Variants in AGAP1 observed in about 807,000 individuals in gnomAD.
The protein encoded by AGAP1 is ArfGAP with GTPase domain, ankyrin repeat and PH domain 1.
AGAP1 carries 29 observed loss-of-function variants against 105.3 expected under a neutral mutation model. The ratio of observed to expected loss-of-function variants is 0.28; its 90% confidence interval spans 0.21 to 0.38. The LOEUF (loss-of-function observed/expected upper bound fraction) is 0.38. Ranked by LOEUF, AGAP1 falls within the 10% of genes least tolerant of loss-of-function variation. The pLI is 1.00. For missense variants in AGAP1, 998 were observed against 1,165.1 expected, an observed-to-expected ratio of 0.86 and a Z score of 2.09; for synonymous variants, 509 against 485.9, an observed-to-expected ratio of 1.05 and a Z score of -0.63.
At chr2:235,499,320 G>A (rs1233789634) in intron 1 of AGAP1, among the ~76,000 whole-genome samples, 2 of 152,192 alleles carry the variant, frequency 1.3e-5, no homozygotes, top group Non-Finnish European at 2.9e-5. Flanking sequence ...AGCTGACTGT[G>A]GCAAAACTTC....
Position 235,517,806 on chromosome 2 carries a change from G to A in AGAP1, c.163+22957G>A, listed in dbSNP as rs112609849. On this transcript the variant is annotated intron_variant, in intron 1 of 17. Coordinates refer to ENST00000304032, the MANE Select transcript of AGAP1 (RefSeq NM_001037131.3). The surrounding 1 kb of genome is among the most constrained non-coding windows in gnomAD (Gnocchi z 4.1). ...ACAAAAATTAGTCAGACATGGTGGC[G>A]TGTGCCTGTAACCCCAGCTACACGG... Among the ~76,000 whole-genome samples, 1,295 of 151,974 alleles carry A rather than the reference G, an allele frequency of 8.5e-3. 11 individuals carry two copies. The highest frequency in any genetic ancestry group is 0.014 in the Non-Finnish European group (959 of 67,966).
In AGAP1 at chr2:235,729,847, GGTTTTTA is replaced by G. The variant is rs1395548941; in HGVS notation, c.311-11111_311-11105del. On this transcript the variant is annotated intron_variant, in intron 3 of 17. Coordinates refer to ENST00000304032, the MANE Select transcript of AGAP1 (RefSeq NM_001037131.3). This position sits in a 1 kb window ranked among gnomAD's most constrained non-coding sequence, Gnocchi z 5.0. ...CGTGTTGCTACTGCCTGAGAACAGA[GGTTTTTA>G]GTTTCTTTAAAGGGTTGTAAACATA... is the stretch of plus-strand genomic sequence containing the variant. Among the ~76,000 whole-genome samples, 1 of 152,080 alleles carries G rather than the reference GGTTTTTA, an allele frequency of 6.6e-6. No individual in the cohort carries two copies. Among genetic ancestry groups the G allele is most frequent in the Non-Finnish European group, 1.5e-5 (1 of 68,032 alleles).
chr2:235,560,470 A>C (rs1033363126), intron 1 of AGAP1, among the ~76,000 whole-genome samples: 9 of 152,130 alleles, frequency 5.9e-5, no homozygotes, highest in Admixed American at 5.9e-4. Context: ...CTCACATGGC[A>C]AAAGGGACTT....
rs2149655483 is a variant in AGAP1 at position 235,739,744 on chromosome 2, G to T, written c.311-1219G>T. Among the ~76,000 whole-genome samples the T allele has an allele frequency of 6.6e-6, 1 of 152,346 alleles. No individual in the cohort carries two copies. Reference sequence around the variant, plus strand: ...CCCTCTGTGGCCTCAGAGGGTAGCTGCCCGTCTGGAGGGCCTCGGACACTT... The same window carrying T: ...CCCTCTGTGGCCTCAGAGGGTAGCTTCCCGTCTGGAGGGCCTCGGACACTT... On this transcript the variant is annotated intron_variant, in intron 3 of 17. Coordinates refer to ENST00000304032, the MANE Select transcript of AGAP1 (RefSeq NM_001037131.3). This position sits in a 1 kb window ranked among gnomAD's most constrained non-coding sequence, Gnocchi z 5.3.
At chr2:235,884,770 TA>T (rs2050191886) in intron 10 of AGAP1, among the ~76,000 whole-genome samples, 1 of 152,166 alleles carries the variant, frequency 6.6e-6, no homozygotes, top group African/African-American at 2.4e-5. Flanking sequence ...TGAATATTTT[TA>T]ATCCATAGTT....
intron 16 of AGAP1, among the ~76,000 whole-genome samples, chr2:236,068,379 TC>T (rs1303713922): frequency 1.3e-5 from 2 of 152,084 alleles, no homozygotes. Flanking sequence ...GTTGGCCAAC[TC>T]CCTCTCCTCT....
intron 1 of AGAP1, chr2:235,507,106 A>G (rs1941852512): frequency 6.5e-6 from 1 of 152,672 alleles, no homozygotes; most frequent in Non-Finnish European, 1.5e-5. Flanking sequence ...TCGTCTCTTT[A>G]ATGCTGAGCA....
chr2:235,621,924 C>T lies in AGAP1; in HGVS notation c.164-87255C>T, dbSNP rs995589771. ...AGACCCCCCCACCCCCTCAGAACAG[C>T]GGCCACTGTGTGGATGTTTCTGACG... On this transcript the variant is annotated intron_variant, in intron 1 of 17. Transcript: ENST00000304032. The surrounding 1 kb of genome is among the most constrained non-coding windows in gnomAD (Gnocchi z 4.1). 1.3e-5 allele frequency among the ~76,000 whole-genome samples: 2 copies of T among 151,970 alleles called. No homozygotes were observed. The highest frequency in any genetic ancestry group is 6.6e-5 in the Admixed American group (1 of 15,242).
At chr2:236,041,716 G>A (rs908843251) in intron 15 of AGAP1, among the ~76,000 whole-genome samples, 3 of 152,186 alleles carry the variant, frequency 2.0e-5, no homozygotes, top group Non-Finnish European at 4.4e-5. Context: ...ACCAGGCTGG[G>A]TGCTGCCCAG....
chr2:235,921,648 AACTCTGT>A (rs1396894556), intron 11 of AGAP1, among the ~76,000 whole-genome samples: 1 of 152,204 alleles, frequency 6.6e-6, no homozygotes, highest in Non-Finnish European at 1.5e-5. Flanking sequence ...ACTAGGTCTG[AACTCTGT>A]ACTCTGTCTT....
rs1197129821 is a variant in AGAP1, at chr2:235,882,312, A to T, written c.1051-1033A>T. 2 of 822,284 alleles carry T rather than the reference A, an allele frequency of 2.4e-6. No individual in the cohort carries two copies. Among genetic ancestry groups the T allele is most frequent in the Admixed American group, 2.3e-5 (1 of 42,574 alleles). 50.9% of individuals were successfully genotyped at this position (822,284 alleles called of 1,614,324 possible). On this transcript the variant is annotated intron_variant, in intron 9 of 17. Transcript: ENST00000304032. The surrounding 1 kb of genome is among the most constrained non-coding windows in gnomAD (Gnocchi z 4.6). Reference sequence around the variant, plus strand: ...ATCTTGCAGGTCGCTCTTCCTCCACATCACAACTGGGGTCTTAAGGATGAC... The same window carrying T: ...ATCTTGCAGGTCGCTCTTCCTCCACTTCACAACTGGGGTCTTAAGGATGAC...
At position 235,877,907 on chromosome 2, in the gene AGAP1, G is replaced by T. The variant is rs896153927; in HGVS notation, c.1051-5438G>T. Among the ~76,000 whole-genome samples the T allele has an allele frequency of 1.1e-4, 17 of 152,162 alleles. No individual in the cohort carries two copies. Among genetic ancestry groups the T allele is most frequent in the African/African-American group, 3.6e-4 (15 of 41,434 alleles). On this transcript the variant is annotated intron_variant, in intron 9 of 17. Coordinates refer to ENST00000304032, the MANE Select transcript of AGAP1 (RefSeq NM_001037131.3). This position sits in a 1 kb window ranked among gnomAD's most constrained non-coding sequence, Gnocchi z 4.3. ...AACTTAAAATTTGTCCTCGCCAGGG[G>T]AATCTTTCCTAATGCAAATCAGATA...
intron 1 of AGAP1, among the ~76,000 whole-genome samples, chr2:235,530,848 G>T (rs1055951516): frequency 4.6e-5 from 7 of 152,136 alleles, no homozygotes; most frequent in Non-Finnish European, 1.0e-4. Flanking sequence ...TCTTTGGGGA[G>T]GGTGGTGTCT....
Position 236,123,886 on chromosome 2 carries a change from A to T in AGAP1, c.2371-33A>T. The T allele has an allele frequency of 1.2e-6, 2 of 1,610,632 alleles. No homozygotes were observed. Among genetic ancestry groups the T allele is most frequent in the Non-Finnish European group, 1.7e-6 (2 of 1,179,056 alleles). ...GCCCCCTCCCTCCATCACATCCCCC[A>T]TGATACTAATGTGGGCTCCCTTACC... On this transcript the variant is annotated intron_variant, in intron 17 of 17. Transcript: ENST00000304032. This position sits in a 1 kb window ranked among gnomAD's most constrained non-coding sequence, Gnocchi z 4.6.
At chr2:235,949,814 C>G (rs1471218524) in intron 12 of AGAP1, among the ~76,000 whole-genome samples, 1 of 152,214 alleles carries the variant, frequency 6.6e-6, no homozygotes, top group Non-Finnish European at 1.5e-5. Flanking sequence ...GTGCTCGTCT[C>G]TGATCACCAC....
At chr2:235,805,556 A>T (rs2150083878) in intron 8 of AGAP1, among the ~76,000 whole-genome samples, 1 of 152,284 alleles carries the variant, frequency 6.6e-6, no homozygotes, top group African/African-American at 2.4e-5. Context: ...ATTAAAAAAA[A>T]ATTTTTTTAA....
At chr2:235,807,925 CTT>C (rs900768352) in intron 9 of AGAP1, among the ~76,000 whole-genome samples, 1 of 152,128 alleles carries the variant, frequency 6.6e-6, no homozygotes, top group African/African-American at 2.4e-5. Flanking sequence ...CTTAATTAAA[CTT>C]TCTCATTACA....
intron 1 of AGAP1, among the ~76,000 whole-genome samples, chr2:235,570,985 A>G (rs1944494408): frequency 6.6e-6 from 1 of 152,220 alleles, no homozygotes; most frequent in Non-Finnish European, 1.5e-5. Flanking sequence ...GCGTGGCACC[A>G]TTTGCTCAGC....
intron 1 of AGAP1, among the ~76,000 whole-genome samples, chr2:235,629,161 A>G (rs1384583942): frequency 2.6e-5 from 4 of 152,034 alleles, no homozygotes; most frequent in Non-Finnish European, 5.9e-5. Context: ...GAGAACAACA[A>G]TGTTTGGTTT....
Sources: allele counts gnomAD v4.1 joint callset (sites outside exome capture counted in the v4.1 genomes callset), GRCh38; gene constraint gnomAD v4.1.1; non-coding constraint Gnocchi (gnomAD v3.1); transcripts MANE v1.5; gene names NCBI Gene and HGNC (gene_info 2026-07-23, HGNC 2026-07-21).